Variants in RASGRF1 observed in about 807,000 individuals in gnomAD.
RASGRF1 encodes Ras protein specific guanine nucleotide releasing factor 1, also known as ras-specific guanine nucleotide-releasing factor 1.
RASGRF1 carries 40 observed loss-of-function variants against 138.7 expected under a neutral mutation model. The ratio of observed to expected loss-of-function variants is 0.29; its 90% CI spans 0.22 to 0.38. RASGRF1 has a LOEUF of 0.38. Ranked by LOEUF, RASGRF1 falls within the 10% of genes least tolerant of loss-of-function variation. RASGRF1 has a pLI of 1.00. For synonymous variants in RASGRF1, 614 were observed against 663.2 expected, an observed-to-expected ratio of 0.93 and a Z score of 1.14; for missense variants, 1,108 against 1,650.4, an observed-to-expected ratio of 0.67 and a Z score of 5.69.
At chr15:78,980,545 G>A in intron 24 of RASGRF1, 75 bp downstream of exon 24, 1 of 1,205,242 alleles carries the variant, frequency 8.3e-7, no homozygotes, top group Non-Finnish European at 1.2e-6. Context: ...CTCTGGCTGG[G>A]GGCGGCACGT....
At chr15:79,060,022 ACACACACACG>A (rs2057581804) in intron 2 of RASGRF1, among the ~76,000 whole-genome samples, 1 of 141,420 alleles carries the variant, frequency 7.1e-6, no homozygotes, top group East Asian at 2.1e-4. Flanking sequence ...ACACACACAC[ACACACACACG>A]GTGTCTGAGG....
intron 22 of RASGRF1, among the ~76,000 whole-genome samples, chr15:78,989,150 G>T (rs1567459333): frequency 6.6e-6 from 1 of 152,202 alleles, no homozygotes; most frequent in Non-Finnish European, 1.5e-5. Flanking sequence ...TCTGGGACCT[G>T]TCTGCCCCCC....
In RASGRF1 at chr15:78,961,777, G is replaced by C. The variant is rs2055548323; in HGVS notation, c.*367C>G. 1 of 152,028 alleles carries C rather than the reference G, an allele frequency of 6.6e-6. No individual in the cohort carries two copies. The highest frequency in any genetic ancestry group is 2.6e-5 in the African/African-American group (1 of 37,996). 9.4% of individuals were successfully genotyped at this position (152,028 alleles called of 1,614,324 possible). On this transcript the variant is annotated 3_prime_UTR_variant, in exon 27 of 27. Coordinates refer to ENST00000558480, the MANE Select transcript of RASGRF1 (RefSeq NM_001145648.3). ...CATGGAACATGCTGGGAGGATGCCTGGGTGGCCACCTCAACCCAGGAGCCT... is the reference window on the plus strand; with the variant it reads ...CATGGAACATGCTGGGAGGATGCCTCGGTGGCCACCTCAACCCAGGAGCCT...
chr15:79,022,971 G>A (rs2056982953), intron 10 of RASGRF1, among the ~76,000 whole-genome samples: 1 of 152,104 alleles, frequency 6.6e-6, no homozygotes, highest in Non-Finnish European at 1.5e-5. Flanking sequence ...TCAGGAGATC[G>A]AGACCATCCT....
chr15:79,090,091 A>T (rs370628846), intron 1 of RASGRF1, 132 bp downstream of exon 1: 14 of 1,269,198 alleles, frequency 1.1e-5, no homozygotes, highest in Non-Finnish European at 1.5e-5. Context: ...CCTCTCGCTG[A>T]GGGTGCAGAG....
intron 16 of RASGRF1, 57 bp downstream of exon 16, chr15:79,001,605 C>A: frequency 6.3e-7 from 1 of 1,581,788 alleles, no homozygotes; most frequent in Non-Finnish European, 8.6e-7. Context: ...TCGACTTGAC[C>A]TACTGCCCTC....
At chr15:79,053,960 A>G (rs1595943871) in intron 3 of RASGRF1, among the ~76,000 whole-genome samples, 1 of 152,256 alleles carries the variant, frequency 6.6e-6, no homozygotes, top group Non-Finnish European at 1.5e-5. Flanking sequence ...ATAAACAGTA[A>G]AGCTCTCTGA....
Position 79,049,582 on chromosome 15 carries a change from A to G in RASGRF1, c.538T>C (p.Ser180Pro). ...ATGCGCTCATTGTCCTTGAGCAGGG[A>G]TGTGATCTGCAACAGCAACACAGGT... is the stretch of plus-strand genomic sequence containing the variant. ...EIERLKAEIT[S>P]LLKDNERIQS... The change falls in exon 4 of 27, where the codon TCC (serine) becomes CCC (proline). Residue 180 changes from serine (S) to proline (P), a missense_variant. Ser to Pro is a moderately conservative substitution (Grantham distance 74). Around this residue, in one of 3 missense-constraint regions of RASGRF1, gnomAD observed 253 missense variants for 329.5 expected, o/e 0.77. Transcript: ENST00000558480. The G allele has an allele frequency of 6.2e-7, 1 of 1,612,976 alleles. No homozygotes were observed. Among genetic ancestry groups the G allele is most frequent in the Non-Finnish European group, 8.5e-7 (1 of 1,179,544 alleles).
At chr15:79,042,792 G>T (rs769159434) in intron 5 of RASGRF1, among the ~76,000 whole-genome samples, 5 of 152,226 alleles carry the variant, frequency 3.3e-5, no homozygotes, top group Non-Finnish European at 4.4e-5. Flanking sequence ...GCACAATGCA[G>T]GTCCCACAAA....
intron 3 of RASGRF1, among the ~76,000 whole-genome samples, chr15:79,053,837 T>C (rs118175459): frequency 0.025 from 3,827 of 152,366 alleles, 76 homozygotes; most frequent in South Asian, 0.047. Context: ...TTTAAGCTTC[T>C]GCAGTTGCTG....
chr15:78,996,615 C>A (rs1267949898), intron 19 of RASGRF1, among the ~76,000 whole-genome samples: 1 of 152,202 alleles, frequency 6.6e-6, no homozygotes, highest in African/African-American at 2.4e-5. Flanking sequence ...CCTGCTCTTT[C>A]ATCACACCCA....
chr15:79,071,517 G>A (rs1042852081), intron 1 of RASGRF1, among the ~76,000 whole-genome samples: 2 of 150,202 alleles, frequency 1.3e-5, no homozygotes, highest in Non-Finnish European at 2.9e-5. Flanking sequence ...GCGCCGCCAT[G>A]CCCGGCTAAT....
chr15:78,975,815 C>T (rs888951743), intron 24 of RASGRF1, among the ~76,000 whole-genome samples: 5 of 152,150 alleles, frequency 3.3e-5, no homozygotes, highest in Non-Finnish European at 5.9e-5. Context: ...CCACTGTGCC[C>T]GGCCAGCTCT....
Position 78,960,543 on chromosome 15 carries a change from C to T in RASGRF1, c.*1601G>A, listed in dbSNP as rs1183773325. On this transcript the variant is annotated 3_prime_UTR_variant, in exon 27 of 27. Transcript: ENST00000558480. ...TCAACATCCAGCCATGTGACAGCGCCATCTTGGTGCACCAACTAGAGCACC... is the reference window on the plus strand; with the variant it reads ...TCAACATCCAGCCATGTGACAGCGCTATCTTGGTGCACCAACTAGAGCACC... 1 of 152,468 alleles carries T rather than the reference C, an allele frequency of 6.6e-6. No homozygotes were observed. The highest frequency in any genetic ancestry group is 1.5e-5 in the Non-Finnish European group (1 of 68,266). The allele number at this position is 152,468 out of a possible 1,614,324, so 9.4% of individuals were successfully genotyped here.
intron 10 of RASGRF1, among the ~76,000 whole-genome samples, chr15:79,024,456 A>G (rs891467131): frequency 6.6e-6 from 1 of 152,034 alleles, no homozygotes; most frequent in Non-Finnish European, 1.5e-5. Flanking sequence ...AGACACAAAC[A>G]CATATACACA....
At chr15:79,086,520 G>A (rs2057981862) in intron 1 of RASGRF1, among the ~76,000 whole-genome samples, 1 of 152,220 alleles carries the variant, frequency 6.6e-6, no homozygotes, top group South Asian at 2.1e-4. Flanking sequence ...TCAGGAGTGG[G>A]GCTTTGTCTT....
At chr15:79,059,846 T>C (rs2057573528) in intron 2 of RASGRF1, among the ~76,000 whole-genome samples, 1 of 152,138 alleles carries the variant, frequency 6.6e-6, no homozygotes, top group Admixed American at 6.5e-5. Context: ...CAGTGCCTTT[T>C]TTCGTACATA....
At chr15:78,992,452 C>T (rs138525079) in intron 20 of RASGRF1, among the ~76,000 whole-genome samples, 335 of 152,312 alleles carry the variant, frequency 2.2e-3, no homozygotes, top group Admixed American at 4.8e-3. Flanking sequence ...GTGGTGGCCA[C>T]GGCAGGAGAT....
At chr15:78,993,177 GGTGTGTGTGGTGTGGCGT>G (rs2056309309) in intron 20 of RASGRF1, among the ~76,000 whole-genome samples, 1 of 104,558 alleles carries the variant, frequency 9.6e-6, no homozygotes, top group African/African-American at 3.6e-5. Context: ...GTGTGTATGT[GGTGTGTGTGGTGTGGCGT>G]GTGTATGTGG....
Sources: allele counts gnomAD v4.1 joint callset (sites outside exome capture counted in the v4.1 genomes callset), GRCh38; gene constraint gnomAD v4.1.1; regional missense constraint gnomAD v4.1.1; transcripts MANE v1.5; gene names NCBI Gene and HGNC (gene_info 2026-07-23, HGNC 2026-07-21).